NCKAP5: variants seen among roughly 807,000 people sequenced by gnomAD.
NCKAP5 encodes the protein nck-associated protein 5.
In NCKAP5, 92 loss-of-function variants were observed where a neutral mutation model predicts 167.0. That is an observed-to-expected ratio of 0.55 (90% CI 0.47 to 0.66). The LOEUF is 0.66. Among genes scored for constraint, NCKAP5 ranks in the 30% least tolerant of loss-of-function variants. The pLI is 0.00. For synonymous variants in NCKAP5, 891 were observed against 877.4 expected, an observed-to-expected ratio of 1.02 and a Z score of -0.27; for missense variants, 2,378 against 2,315.0, an observed-to-expected ratio of 1.03 and a Z score of -0.56.
intron 6 of NCKAP5, among the ~76,000 whole-genome samples, chr2:133,129,214 T>C (rs556922676): frequency 1.3e-5 from 2 of 152,116 alleles, no homozygotes; most frequent in South Asian, 4.2e-4. Context: ...CATTTAGCAT[T>C]AGGTATATCT....
chr2:132,998,514 A>G (rs1003331603), intron 6 of NCKAP5, among the ~76,000 whole-genome samples: 4 of 152,194 alleles, frequency 2.6e-5, no homozygotes, highest in African/African-American at 9.6e-5. Flanking sequence ...AAGTTGTCCT[A>G]TCTTTTTATA....
intron 3 of NCKAP5, among the ~76,000 whole-genome samples, chr2:133,459,642 G>A (rs1692079102): frequency 6.6e-6 from 1 of 152,100 alleles, no homozygotes; most frequent in African/African-American, 2.4e-5. Context: ...TTAATATACT[G>A]GGATCCTCAA....
At position 133,324,369 on chromosome 2, in the gene NCKAP5, A is replaced by C. The variant is rs1459359514; in HGVS notation, c.70-21259T>G. 5.9e-5 allele frequency among the ~76,000 whole-genome samples: 9 copies of C among 152,366 alleles called. No homozygotes were observed. The South Asian group carries it at 6.2e-4, about 11-fold the overall frequency. On this transcript the variant is annotated intron_variant, in intron 3 of 19. Transcript: ENST00000409261. ...AACATTTTAAAAATATTTACTTGGA[A>C]TTACATAAAAAATATTTTAAATGAT...
chr2:133,128,456 T>A (rs533999793), intron 6 of NCKAP5, among the ~76,000 whole-genome samples: 1 of 152,304 alleles, frequency 6.6e-6, no homozygotes, highest in East Asian at 1.9e-4. Flanking sequence ...AACATAATAG[T>A]TTGAACCATC....
chr2:133,398,001 T>C (rs1433483685), intron 3 of NCKAP5, among the ~76,000 whole-genome samples: 2 of 152,096 alleles, frequency 1.3e-5, no homozygotes, highest in Non-Finnish European at 2.9e-5. Flanking sequence ...CCTCTCAGTG[T>C]TGGAGAAAAC....
intron 5 of NCKAP5, among the ~76,000 whole-genome samples, chr2:133,151,365 C>T (rs1023611160): frequency 2.0e-5 from 3 of 151,914 alleles, no homozygotes; most frequent in Admixed American, 6.6e-5. Context: ...AAAAGACAAG[C>T]CACAGACTGG....
chr2:132,761,398 C>T (rs1455467720), intron 16 of NCKAP5, among the ~76,000 whole-genome samples: 4 of 152,198 alleles, frequency 2.6e-5, no homozygotes, highest in Admixed American at 2.6e-4. Context: ...CACTGGTCAC[C>T]CTAGCTCCAG....
intron 16 of NCKAP5, among the ~76,000 whole-genome samples, chr2:132,750,639 G>T (rs1053025206): frequency 1.3e-5 from 2 of 152,182 alleles, no homozygotes; most frequent in Admixed American, 1.3e-4. Context: ...GAATAGTGAT[G>T]CTGGAGGCCA....
intron 12 of NCKAP5, 44 bp downstream of exon 12, chr2:132,796,584 A>G (rs1684623789): frequency 7.2e-7 from 1 of 1,381,634 alleles, no homozygotes; most frequent in African/African-American, 1.4e-5. Flanking sequence ...TGGAAGGAAA[A>G]TAACCACCAA....
chr2:133,101,932 C>T (rs970715103), intron 6 of NCKAP5, among the ~76,000 whole-genome samples: 15 of 151,762 alleles, frequency 9.9e-5, no homozygotes, highest in African/African-American at 3.2e-4. Flanking sequence ...ACATCCTCGA[C>T]AATACATAAG....
At chr2:133,226,938 T>C (rs1050862787) in intron 4 of NCKAP5, among the ~76,000 whole-genome samples, 34 of 152,218 alleles carry the variant, frequency 2.2e-4, no homozygotes, top group African/African-American at 7.7e-4. Context: ...ACATAATCCA[T>C]CTCTATACAA....
chr2:132,908,052 C>T (rs573326980), intron 8 of NCKAP5, among the ~76,000 whole-genome samples: 2 of 152,170 alleles, frequency 1.3e-5, no homozygotes, highest in East Asian at 3.9e-4. Flanking sequence ...CAATAAGCAA[C>T]TCCTCCTATA....
At chr2:132,679,029 C>T (rs930163617) in intron 19 of NCKAP5, among the ~76,000 whole-genome samples, 2 of 152,000 alleles carry the variant, frequency 1.3e-5, no homozygotes, top group Non-Finnish European at 2.9e-5. Flanking sequence ...ACCCTAACAC[C>T]CCCTTCCCTA....
chr2:132,731,533 T>A (rs1488577341), intron 17 of NCKAP5, among the ~76,000 whole-genome samples: 1 of 152,230 alleles, frequency 6.6e-6, no homozygotes, highest in Non-Finnish European at 1.5e-5. Context: ...TGTTTCCTTA[T>A]ATGTGTGTGT....
At chr2:133,434,337 C>A (rs544130591) in intron 3 of NCKAP5, among the ~76,000 whole-genome samples, 1 of 152,152 alleles carries the variant, frequency 6.6e-6, no homozygotes, top group African/African-American at 2.4e-5. Context: ...CAAATAACTG[C>A]ATTCTATAAA....
At chr2:132,758,603 A>T (rs375083729) in intron 16 of NCKAP5, among the ~76,000 whole-genome samples, 1 of 152,150 alleles carries the variant, frequency 6.6e-6, no homozygotes, top group Non-Finnish European at 1.5e-5. Flanking sequence ...GACACCTGAT[A>T]TGCTTCAGAA....
In NCKAP5 at chr2:133,333,651, T is replaced by A. The variant is rs72987692; in HGVS notation, c.70-30541A>T. 3.3e-3 allele frequency among the ~76,000 whole-genome samples: 504 copies of A among 152,268 alleles called. 6 individuals are homozygous for A. The highest frequency in any genetic ancestry group is 0.011 in the African/African-American group (474 of 41,566). On this transcript the variant is annotated intron_variant, in intron 3 of 19. Coordinates refer to ENST00000409261, the MANE Select transcript of NCKAP5 (RefSeq NM_207363.3). ...GCATCTTCCTACTTACTTTCAACAT[T>A]TTCCATAATCATATATAAGTCCTTA...
intron 8 of NCKAP5, among the ~76,000 whole-genome samples, chr2:132,925,304 C>T (rs1490960201): frequency 6.6e-6 from 1 of 151,748 alleles, no homozygotes; most frequent in Non-Finnish European, 1.5e-5. Context: ...CCTGTAATCC[C>T]AGCATTTTGG....
At chr2:133,600,489 C>A in the NCKAP5 span, among the ~76,000 whole-genome samples, 16 of 152,272 alleles carry the variant, frequency 1.1e-4, no homozygotes, top group East Asian at 2.3e-3. Flanking sequence ...GCCGTCGGGG[C>A]GCCTTTGAGA....
Sources: allele counts gnomAD v4.1 joint callset (sites outside exome capture counted in the v4.1 genomes callset), GRCh38; gene constraint gnomAD v4.1.1; transcripts MANE v1.5; gene names NCBI Gene and HGNC (gene_info 2026-07-23, HGNC 2026-07-21).